The following ST18 variants were observed in gnomAD, a reference collection of about 807,000 sequenced individuals.
The protein encoded by ST18 is suppression of tumorigenicity 18 protein.
Under a neutral mutation model 110.0 loss-of-function variants are expected in ST18, and 50 were observed. The ratio of observed to expected loss-of-function variants is 0.45; its 90% confidence interval spans 0.36 to 0.58. ST18 has a LOEUF of 0.58. Ranked by LOEUF, ST18 falls within the 20% of genes least tolerant of loss-of-function variation. ST18 has a pLI of 0.00. For missense variants in ST18, 1,306 were observed against 1,280.1 expected, an observed-to-expected ratio of 1.02 and a Z score of -0.31; for synonymous variants, 461 against 452.4, an observed-to-expected ratio of 1.02 and a Z score of -0.24.
At position 52,153,153 on chromosome 8, in the gene ST18, T is replaced by C. The variant is rs145029816; in HGVS notation, c.1807-3176A>G. Among the ~76,000 whole-genome samples, 844 of 152,360 alleles carry C rather than the reference T, an allele frequency of 5.5e-3. 7 individuals carry two copies. Among genetic ancestry groups the C allele is most frequent in the African/African-American group, 0.02 (819 of 41,582 alleles). ...TAAGTGGTCACACATTCAAAGTTTG[T>C]GATGAAGTAAAAATAAAATTGGAAT... is the stretch of plus-strand genomic sequence containing the variant. On this transcript the variant is annotated intron_variant, in intron 15 of 25. Coordinates refer to ENST00000689386, the MANE Select transcript of ST18 (RefSeq NM_001352837.2).
At chr8:52,158,494 C>T (rs774649504) in intron 15 of ST18, among the ~76,000 whole-genome samples, 18 of 152,244 alleles carry the variant, frequency 1.2e-4, no homozygotes, top group Non-Finnish European at 2.5e-4. Context: ...CATTTGATCA[C>T]ACATTTCTTA....
chr8:52,192,641 T>C (rs1030033116), intron 8 of ST18, among the ~76,000 whole-genome samples: 15 of 152,182 alleles, frequency 9.9e-5, no homozygotes, highest in Admixed American at 9.2e-4. Flanking sequence ...TTACAGAATG[T>C]GATGTCTTCG....
chr8:52,115,288 T>A (rs2042137260), intron 25 of ST18, among the ~76,000 whole-genome samples: 1 of 152,226 alleles, frequency 6.6e-6, no homozygotes, highest in African/African-American at 2.4e-5. Flanking sequence ...AAATTTAGGT[T>A]CTGAGGAAAT....
Position 52,275,217 on chromosome 8 carries a change from T to C in ST18, c.-464-45140A>G, listed in dbSNP as rs927066573. Among the ~76,000 whole-genome samples the C allele has an allele frequency of 7.2e-5, 11 of 152,198 alleles. 1 individual carries two copies. The South Asian group carries it at 1.4e-3, about 20-fold the overall frequency. ...GCAAAAACTAAAAATAAACCTTAAC[T>C]ATTGAACCCAGAAATAGGGAAACTA... is the stretch of plus-strand genomic sequence containing the variant. On this transcript the variant is annotated intron_variant, in intron 2 of 25. Transcript: ENST00000689386.
chr8:52,198,310 T>C (rs994727407), intron 8 of ST18, among the ~76,000 whole-genome samples: 4 of 152,254 alleles, frequency 2.6e-5, no homozygotes, highest in African/African-American at 9.6e-5. Flanking sequence ...CGGCCGTGGC[T>C]GTTTTATAAC....
At chr8:52,173,048 A>G in intron 9 of ST18, among the ~76,000 whole-genome samples, 1 of 152,238 alleles carries the variant, frequency 6.6e-6, no homozygotes, top group East Asian at 1.9e-4. Context: ...TTTCTCTGTT[A>G]GCATGGCAAT....
chr8:52,236,717 A>T (rs1304536106), intron 2 of ST18, among the ~76,000 whole-genome samples: 1 of 152,208 alleles, frequency 6.6e-6, no homozygotes, highest in Non-Finnish European at 1.5e-5. Context: ...AAGATCCACA[A>T]TGATAGCGTG....
intron 7 of ST18, 34 bp downstream of exon 7, chr8:52,214,169 G>A (rs753833692): frequency 1.9e-6 from 3 of 1,609,280 alleles, no homozygotes; most frequent in Non-Finnish European, 2.6e-6. Flanking sequence ...TGGTGTGGTG[G>A]GCATAGTGTC....
At chr8:52,153,866 AG>A in intron 15 of ST18, among the ~76,000 whole-genome samples, 1 of 152,362 alleles carries the variant, frequency 6.6e-6, no homozygotes, top group South Asian at 2.1e-4. Context: ...TCTGCTTTAC[AG>A]AAATTCTAGA....
At chr8:52,339,823 C>A (rs181322896) in intron 2 of ST18, among the ~76,000 whole-genome samples, 1 of 152,352 alleles carries the variant, frequency 6.6e-6, no homozygotes, top group African/African-American at 2.4e-5. Context: ...TTGGATGCTA[C>A]TCATTTTTGT....
At chr8:52,309,111 A>G (rs1448639491) in intron 2 of ST18, among the ~76,000 whole-genome samples, 2 of 152,242 alleles carry the variant, frequency 1.3e-5, no homozygotes, top group African/African-American at 4.8e-5. Context: ...CGGTACTGCT[A>G]GGCTCAGTGA....
intron 2 of ST18, among the ~76,000 whole-genome samples, chr8:52,314,849 C>T (rs1435388240): frequency 6.6e-6 from 1 of 152,134 alleles, no homozygotes; most frequent in Non-Finnish European, 1.5e-5. Flanking sequence ...ATTAGTCACT[C>T]CATGGAGAGA....
chr8:52,223,255 T>C (rs1169337707), intron 3 of ST18, among the ~76,000 whole-genome samples: 1 of 152,220 alleles, frequency 6.6e-6, no homozygotes, highest in East Asian at 1.9e-4. Context: ...AAATAGAGTA[T>C]ATCAGATTAT....
chr8:52,122,999 A>G (rs2045583100), intron 23 of ST18, among the ~76,000 whole-genome samples: 1 of 152,166 alleles, frequency 6.6e-6, no homozygotes, highest in Non-Finnish European at 1.5e-5. Flanking sequence ...GACCATATAC[A>G]TAGATCAATT....
At chr8:52,272,667 C>T (rs951112418) in intron 2 of ST18, among the ~76,000 whole-genome samples, 1 of 152,056 alleles carries the variant, frequency 6.6e-6, no homozygotes. Flanking sequence ...TGTGGTGGTT[C>T]CTCAGGAAAA....
rs769642201 is a variant in ST18 at position 52,133,309 on chromosome 8, G to A, written c.2301-8C>T. 2 of 1,614,030 alleles carry A rather than the reference G, an allele frequency of 1.2e-6. No homozygotes were observed. The highest frequency in any genetic ancestry group is 2.7e-5 in the African/African-American group (2 of 74,910). On this transcript the variant is annotated splice_polypyrimidine_tract_variant and splice_region_variant and intron_variant, in intron 19 of 25. Coordinates refer to ENST00000689386, the MANE Select transcript of ST18 (RefSeq NM_001352837.2). ...CAGCCTGGGGTTGGACACCTGGAAG[G>A]CACAGGAAGAGAGCATGGGCTGAGA...
intron 25 of ST18, among the ~76,000 whole-genome samples, chr8:52,115,205 T>C (rs1023614963): frequency 6.6e-6 from 1 of 152,208 alleles, no homozygotes; most frequent in Non-Finnish European, 1.5e-5. Context: ...ACCAATTACA[T>C]TTCTTTATCA....
intron 8 of ST18, chr8:52,206,651 T>G (rs2080192435): frequency 6.6e-6 from 1 of 152,206 alleles, no homozygotes; most frequent in African/African-American, 2.4e-5. Flanking sequence ...ATCATCAGCT[T>G]CTTGGGTGAT....
chr8:52,211,719 A>G (rs547967521), intron 8 of ST18, among the ~76,000 whole-genome samples: 2 of 152,322 alleles, frequency 1.3e-5, no homozygotes, highest in South Asian at 2.1e-4. Flanking sequence ...TGGGTTATCC[A>G]TCAGTCAGGT....
Sources: allele counts gnomAD v4.1 joint callset (sites outside exome capture counted in the v4.1 genomes callset), GRCh38; gene constraint gnomAD v4.1.1; transcripts MANE v1.5; gene names NCBI Gene and HGNC (gene_info 2026-07-23, HGNC 2026-07-21).